ELOVL5: variants seen among roughly 807,000 people sequenced by gnomAD.
ELOVL5 encodes the protein very long chain fatty acid elongase 5.
A neutral mutation model predicts 38.6 loss-of-function variants in ELOVL5; 8 were observed. The ratio of observed to expected loss-of-function variants is 0.21; its 90% CI spans 0.12 to 0.37. The LOEUF (loss-of-function observed/expected upper bound fraction) is 0.37, where lower values mean the gene tolerates loss of function less well. Among genes scored for constraint, ELOVL5 ranks in the 10% least tolerant of loss-of-function variants. ELOVL5 has a pLI of 1.00. For missense variants in ELOVL5, 280 were observed against 367.8 expected, an observed-to-expected ratio of 0.76 and a Z score of 1.95; for synonymous variants, 127 against 133.7, an observed-to-expected ratio of 0.95 and a Z score of 0.34.
At chr6:53,286,302 C>T (rs1247482644) in intron 3 of ELOVL5, among the ~76,000 whole-genome samples, 2 of 152,194 alleles carry the variant, frequency 1.3e-5, no homozygotes, top group African/African-American at 4.8e-5. Flanking sequence ...TGGCTCACAC[C>T]TGTAATCCTA....
chr6:53,342,577 C>T (rs562112372), intron 1 of ELOVL5, among the ~76,000 whole-genome samples: 1 of 152,272 alleles, frequency 6.6e-6, no homozygotes, highest in South Asian at 2.1e-4. Flanking sequence ...AGAGATGGAA[C>T]CTGTGCTCGC....
chr6:53,276,458 TA>T (rs564791788), intron 3 of ELOVL5, among the ~76,000 whole-genome samples: 65 of 152,286 alleles, frequency 4.3e-4, no homozygotes, highest in Middle Eastern at 3.4e-3. Flanking sequence ...GGGGTGGGCT[TA>T]AAAGTCACTC....
chr6:53,316,543 G>C (rs893665831), intron 1 of ELOVL5, among the ~76,000 whole-genome samples: 5 of 152,042 alleles, frequency 3.3e-5, no homozygotes, highest in African/African-American at 7.2e-5. Context: ...AAGAAGGGGT[G>C]ACAGTTGGGG....
intron 1 of ELOVL5, among the ~76,000 whole-genome samples, chr6:53,317,954 C>T (rs1366645301): frequency 6.6e-6 from 1 of 151,984 alleles, no homozygotes; most frequent in Non-Finnish European, 1.5e-5. Flanking sequence ...ATAATAGCAA[C>T]TAATACTCAC....
At chr6:53,347,320 T>G (rs1315825082) in intron 1 of ELOVL5, among the ~76,000 whole-genome samples, 1 of 152,178 alleles carries the variant, frequency 6.6e-6, no homozygotes, top group Non-Finnish European at 1.5e-5. Context: ...CCCTTTCAAG[T>G]GCAGAGCTTT....
chr6:53,286,464 G>A (rs1353789948), intron 3 of ELOVL5, among the ~76,000 whole-genome samples: 1 of 152,178 alleles, frequency 6.6e-6, no homozygotes, highest in African/African-American at 2.4e-5. Context: ...TCAGGAGGCT[G>A]AGGTGGGAGG....
intron 7 of ELOVL5, among the ~76,000 whole-genome samples, chr6:53,269,783 C>G (rs1765857452): frequency 6.6e-6 from 1 of 152,230 alleles, no homozygotes; most frequent in African/African-American, 2.4e-5. Flanking sequence ...TTCCTTGTAG[C>G]TGGTGTATGT....
At chr6:53,275,022 G>T in intron 5 of ELOVL5, 68 bp downstream of exon 5, 1 of 1,469,290 alleles carries the variant, frequency 6.8e-7, no homozygotes, top group Non-Finnish European at 9.3e-7. Context: ...CACCTTTTCT[G>T]AAAGCCTTAG....
At chr6:53,332,022 CTT>C (rs1768826645) in intron 1 of ELOVL5, among the ~76,000 whole-genome samples, 1 of 152,118 alleles carries the variant, frequency 6.6e-6, no homozygotes, top group South Asian at 2.1e-4. Flanking sequence ...ATGCCAGGCT[CTT>C]TTACACAACC....
intron 3 of ELOVL5, among the ~76,000 whole-genome samples, chr6:53,286,161 T>G (rs1489322948): frequency 6.6e-6 from 1 of 152,198 alleles, no homozygotes; most frequent in African/African-American, 2.4e-5. Context: ...ACTGTCGGAT[T>G]CAGTCATTAA....
intron 1 of ELOVL5, among the ~76,000 whole-genome samples, chr6:53,319,144 G>A (rs188901994): frequency 2.6e-5 from 4 of 151,878 alleles, no homozygotes; most frequent in East Asian, 3.9e-4. Flanking sequence ...AGTAGCGGGC[G>A]CCTGTAGTCC....
chr6:53,271,374 A>G (rs1765915043), intron 6 of ELOVL5, among the ~76,000 whole-genome samples: 1 of 152,134 alleles, frequency 6.6e-6, no homozygotes, highest in Non-Finnish European at 1.5e-5. Flanking sequence ...AAATGGTGAA[A>G]CCCTGTCTCT....
intron 7 of ELOVL5, 136 bp downstream of exon 7, chr6:53,270,457 C>T: frequency 1.1e-6 from 1 of 894,104 alleles, no homozygotes; most frequent in African/African-American, 1.7e-5. Flanking sequence ...GCAGGGGCTG[C>T]TCTTGTCATA....
At chr6:53,294,477 C>T in intron 2 of ELOVL5, 5 of 1,549,950 alleles carry the variant, frequency 3.2e-6, no homozygotes, top group Non-Finnish European at 4.4e-6. Flanking sequence ...ATTCTGAGGA[C>T]AGAGCTGCTG....
chr6:53,271,485 G>C (rs1765928995), intron 6 of ELOVL5, among the ~76,000 whole-genome samples: 1 of 152,086 alleles, frequency 6.6e-6, no homozygotes, highest in African/African-American at 2.4e-5. Context: ...AGGAGGCAGA[G>C]GTTGCAGCGA....
At chr6:53,294,500 G>A (rs1161825051) in intron 2 of ELOVL5, 3 of 1,544,380 alleles carry the variant, frequency 1.9e-6, no homozygotes, top group Admixed American at 2.0e-5. Context: ...ACCTGGAAGT[G>A]GCAAAGTAGA....
intron 3 of ELOVL5, among the ~76,000 whole-genome samples, chr6:53,280,770 T>C (rs186394479): frequency 1.3e-5 from 2 of 152,284 alleles, no homozygotes; most frequent in East Asian, 3.9e-4. Context: ...TTTTTATATT[T>C]TTGTTGTAAA....
At chr6:53,296,804 A>G (rs36054518) in intron 1 of ELOVL5, among the ~76,000 whole-genome samples, 6,975 of 152,280 alleles carry the variant, frequency 0.046, 197 homozygotes, top group South Asian at 0.095. Flanking sequence ...TCTTACAGGA[A>G]TAATCATCAA....
intron 1 of ELOVL5, among the ~76,000 whole-genome samples, chr6:53,346,380 T>C (rs990117590): frequency 6.6e-6 from 1 of 152,210 alleles, no homozygotes; most frequent in African/African-American, 2.4e-5. Context: ...TACGTGTGCA[T>C]GTGTCTTCAT....
Sources: gnomAD v4.1 joint callset for allele counts (sites outside exome capture counted in the v4.1 genomes callset) on GRCh38, gnomAD v4.1.1 for gene constraint, MANE v1.5 for transcripts, NCBI Gene and HGNC (gene_info 2026-07-23, HGNC 2026-07-21) for gene names.